Variants in NEK4 observed in about 807,000 individuals in gnomAD.
NEK4 encodes NIMA related kinase 4, also known as serine/threonine-protein kinase Nek4.
In NEK4, 86 loss-of-function variants were observed where a neutral mutation model predicts 98.4. That is an observed-to-expected ratio of 0.87 (90% CI 0.73 to 1.05). NEK4 has a LOEUF of 1.05. NEK4 is among the 50% of genes least tolerant of loss of function. The probability of loss-of-function intolerance (pLI) is 0.00; values close to 1 mark genes in which losing one functional copy is unlikely to be tolerated. For synonymous variants in NEK4, 328 were observed against 342.2 expected, an observed-to-expected ratio of 0.96 and a Z score of 0.46; for missense variants, 898 against 950.3, an observed-to-expected ratio of 0.94 and a Z score of 0.72.
At chr3:52,747,292 C>T (rs1287154944) in intron 8 of NEK4, 7 of 179,038 alleles carry the variant, frequency 3.9e-5, no homozygotes, top group Non-Finnish European at 7.1e-5. Flanking sequence ...CCCGTCTCTA[C>T]AAAAATACAA....
chr3:52,725,153 G>C (rs34610878), intron 15 of NEK4, among the ~76,000 whole-genome samples: 52,315 of 151,990 alleles, frequency 0.34, 9,994 homozygotes, highest in Admixed American at 0.46. Flanking sequence ...TTCACGTTTT[G>C]TTTTCCATAT....
intron 15 of NEK4, among the ~76,000 whole-genome samples, chr3:52,714,940 C>T (rs1437712786): frequency 6.6e-6 from 1 of 152,216 alleles, no homozygotes; most frequent in Non-Finnish European, 1.5e-5. Context: ...CTCTAACAAG[C>T]GCAGGATGGG....
intron 14 of NEK4, among the ~76,000 whole-genome samples, chr3:52,738,865 A>C (rs2097380873): frequency 6.6e-6 from 1 of 152,232 alleles, no homozygotes; most frequent in Non-Finnish European, 1.5e-5. Context: ...AACCTAAAAA[A>C]CACCACAACT....
chr3:52,759,350 G>A (rs114719084), intron 6 of NEK4, among the ~76,000 whole-genome samples: 2,846 of 151,506 alleles, frequency 0.019, 84 homozygotes, highest in African/African-American at 0.065. Flanking sequence ...AGATTGAGCC[G>A]TGATCGCAGC....
At chr3:52,738,253 T>C (rs1010395036) in intron 14 of NEK4, among the ~76,000 whole-genome samples, 1 of 151,916 alleles carries the variant, frequency 6.6e-6, no homozygotes. Flanking sequence ...ACTACAGGAA[T>C]GCACTACCAT....
Position 52,751,828 on chromosome 3 carries a change from T to C in NEK4, c.1368+104A>G, listed in dbSNP as rs139911402. 1.2e-4 allele frequency: 130 copies of C among 1,124,916 alleles called. No individual in the cohort carries two copies. The East Asian group carries it at 2.0e-3, about 17-fold the overall frequency. 69.7% of individuals were successfully genotyped at this position (1,124,916 alleles called of 1,614,324 possible). On this transcript the variant is annotated intron_variant, in intron 7 of 15. Transcript: ENST00000233027. ...ATTCTTCTATGTTTAAACTGATACA[T>C]AGAATTACTGATTTTCCTAAAATGA...
At chr3:52,739,073 T>G (rs2097381157) in intron 14 of NEK4, among the ~76,000 whole-genome samples, 1 of 152,222 alleles carries the variant, frequency 6.6e-6, no homozygotes, top group South Asian at 2.1e-4. Flanking sequence ...GACACAGTTC[T>G]CCAATAAACA....
chr3:52,750,898 G>A (rs2097403838), intron 7 of NEK4, among the ~76,000 whole-genome samples: 2 of 152,144 alleles, frequency 1.3e-5, no homozygotes, highest in African/African-American at 4.8e-5. Context: ...ACCACTGCAC[G>A]CTAGCCTGAG....
At chr3:52,768,227 C>T in intron 2 of NEK4, 111 bp downstream of exon 2, 1 of 998,192 alleles carries the variant, frequency 1.0e-6, no homozygotes, top group East Asian at 2.4e-5. Context: ...ATGAATTTTC[C>T]AAAAAATACA....
intron 6 of NEK4, among the ~76,000 whole-genome samples, chr3:52,756,991 C>A (rs980009680): frequency 5.9e-5 from 9 of 151,968 alleles, no homozygotes; most frequent in African/African-American, 1.9e-4. Context: ...AATAAGCACA[C>A]AAAAAATGCT....
chr3:52,715,527 C>T (rs2097354347), intron 15 of NEK4, among the ~76,000 whole-genome samples: 1 of 152,240 alleles, frequency 6.6e-6, no homozygotes, highest in South Asian at 2.1e-4. Flanking sequence ...GCTGGGATTA[C>T]AGGCACATGC....
intron 6 of NEK4, among the ~76,000 whole-genome samples, chr3:52,757,328 C>T (rs1270557590): frequency 2.0e-5 from 3 of 152,030 alleles, no homozygotes; most frequent in South Asian, 2.1e-4. Flanking sequence ...GAGGCCAAGG[C>T]GGGTGGATTA....
rs1051275575 is a variant in NEK4, at chr3:52,765,989, A to G, written c.564T>C (p.Asp188=). ...AGACACAGCATCCTAGAGCCCAAAC[A>G]TCAGACTAGAAAATAAAAACAGTAA... is the stretch of plus-strand genomic sequence containing the variant. The part of the protein sequence containing the change: ...FSNKPYNYKS[D]VWALGCCVYE... Residue 188 remains aspartate, a synonymous_variant, in exon 4 of 16, where the codon GAT becomes GAC. Transcript: ENST00000233027. 2 of 1,600,028 alleles carry G rather than the reference A, an allele frequency of 1.2e-6. No homozygotes were observed. The highest frequency in any genetic ancestry group is 1.7e-5 in the Admixed American group (1 of 59,844).
chr3:52,720,905 A>T (rs1182011155), intron 15 of NEK4, among the ~76,000 whole-genome samples: 2 of 152,264 alleles, frequency 1.3e-5, no homozygotes, highest in African/African-American at 4.8e-5. Context: ...AAGCTACTGT[A>T]TGAAACAATA....
chr3:52,733,413 C>T, intron 15 of NEK4: 1 of 381,606 alleles, frequency 2.6e-6, no homozygotes, highest in South Asian at 2.3e-5. Context: ...GGACTTAGCG[C>T]CCATCTTGTA....
At chr3:52,731,571 C>T (rs894029676) in intron 15 of NEK4, among the ~76,000 whole-genome samples, 6 of 152,178 alleles carry the variant, frequency 3.9e-5, no homozygotes, top group African/African-American at 9.7e-5. Context: ...CACATGGTGA[C>T]GGGACAACAG....
At chr3:52,742,326 C>T (rs1246954484) in intron 12 of NEK4, among the ~76,000 whole-genome samples, 1 of 151,908 alleles carries the variant, frequency 6.6e-6, no homozygotes, top group Non-Finnish European at 1.5e-5. Context: ...CTTCCTTGGC[C>T]TCCCAAGTAG....
intron 10 of NEK4, among the ~76,000 whole-genome samples, chr3:52,745,653 T>C (rs570237469): frequency 2.5e-4 from 38 of 152,184 alleles, no homozygotes; most frequent in African/African-American, 8.2e-4. Context: ...GAAGCAGAGC[T>C]AAGATGTTTT....
chr3:52,741,093 G>A (rs112594340), intron 13 of NEK4, among the ~76,000 whole-genome samples: 8 of 151,986 alleles, frequency 5.3e-5, no homozygotes, highest in Admixed American at 1.3e-4. Flanking sequence ...AAAACTAGCC[G>A]GGCATGGTGG....
Sources: gnomAD v4.1 joint callset for allele counts (sites outside exome capture counted in the v4.1 genomes callset) on GRCh38, gnomAD v4.1.1 for gene constraint, MANE v1.5 for transcripts, NCBI Gene and HGNC (gene_info 2026-07-23, HGNC 2026-07-21) for gene names.